The following WDR64 variants were observed in gnomAD, a reference collection of about 807,000 sequenced individuals.
WDR64 encodes the protein WD repeat-containing protein 64.
WDR64 carries 112 observed loss-of-function variants against 139.3 expected under a neutral mutation model. The observed-to-expected ratio is 0.80, with a 90% CI of 0.69 to 0.94. The LOEUF is 0.94. Ranked by LOEUF, WDR64 falls within the 40% of genes least tolerant of loss-of-function variation. The pLI is 0.00. For synonymous variants in WDR64, 444 were observed against 437.7 expected (o/e 1.01, Z -0.18); for missense variants, 1,206 against 1,293.1 (o/e 0.93, Z 1.03).
chr1:241,731,474 A>G (rs199802707), intron 10 of WDR64, among the ~76,000 whole-genome samples: 23,944 of 152,214 alleles, frequency 0.16, 2,212 homozygotes, highest in East Asian at 0.28. Context: ...GTACTGTGTG[A>G]TAACTACAAG....
Sources: gnomAD v4.1 joint callset for allele counts (sites outside exome capture counted in the v4.1 genomes callset) on GRCh38, gnomAD v4.1.1 for gene constraint, MANE v1.5 for transcripts, NCBI Gene and HGNC (gene_info 2026-07-23, HGNC 2026-07-21) for gene names.